Variants in CNTN6 observed in about 807,000 individuals in gnomAD.
The protein encoded by CNTN6 is contactin-6.
In CNTN6, 137 loss-of-function variants were observed where a neutral mutation model predicts 122.8. The ratio of observed to expected loss-of-function variants is 1.12; its 90% CI spans 0.97 to 1.29. The LOEUF is 1.29. Ranked by LOEUF, CNTN6 falls within the 50% of genes most tolerant of loss-of-function variation. The pLI is 0.00. For synonymous variants in CNTN6, 570 were observed against 426.0 expected, an observed-to-expected ratio of 1.34 and a Z score of -4.16; for missense variants, 1,634 against 1,223.4, an observed-to-expected ratio of 1.34 and a Z score of -5.01.
chr3:1,347,087 A>G (rs1704846676), intron 11 of CNTN6, among the ~76,000 whole-genome samples: 2 of 152,164 alleles, frequency 1.3e-5, no homozygotes, highest in South Asian at 2.1e-4. Context: ...TACATGCTCT[A>G]TATTCTAAAG....
intron 11 of CNTN6, among the ~76,000 whole-genome samples, chr3:1,340,143 A>G (rs2126033764): frequency 6.6e-6 from 1 of 152,290 alleles, no homozygotes. Flanking sequence ...ATAGAAAAAC[A>G]TTCAGTTCTG....
Position 1,372,918 on chromosome 3 carries a change from A to G in CNTN6, c.1749A>G (p.Leu583=), listed in dbSNP as rs749843024. The G allele has an allele frequency of 6.2e-7, 1 of 1,606,840 alleles. No homozygotes were observed. The highest frequency in any genetic ancestry group is 8.5e-7 in the Non-Finnish European group (1 of 1,175,140). The part of the protein sequence containing the change: ...GKYLCTVQTT[L]ESLSAVADII... ...ATCTCTGCACAGTACAAACAACCCT[A>G]GAAAGTTTATCTGCAGTAGCCGATA... Residue 583 remains leucine, a synonymous_variant, in exon 14 of 23, where the codon CTA becomes CTG. Coordinates refer to ENST00000446702, the MANE Select transcript of CNTN6 (RefSeq NM_001289080.2).
At chr3:1,098,322 GAACA>G (rs1475716015) in intron 1 of CNTN6, among the ~76,000 whole-genome samples, 1 of 152,006 alleles carries the variant, frequency 6.6e-6, no homozygotes, top group Non-Finnish European at 1.5e-5. Flanking sequence ...AAAAGCACGA[GAACA>G]AATAAGCCAG....
At chr3:1,219,692 T>G (rs1157690995) in intron 2 of CNTN6, among the ~76,000 whole-genome samples, 2 of 152,150 alleles carry the variant, frequency 1.3e-5, no homozygotes, top group Non-Finnish European at 2.9e-5. Flanking sequence ...GACTGTGGAA[T>G]TGTTGCAGAT....
chr3:1,278,315 A>C, intron 4 of CNTN6, 98 bp from the exon 5 acceptor site: 1 of 805,606 alleles, frequency 1.2e-6, no homozygotes, highest in South Asian at 1.9e-5. Flanking sequence ...GTATGAGATT[A>C]ATTCCCCTTA....
At chr3:1,094,932 G>T (rs2090444106) in intron 1 of CNTN6, among the ~76,000 whole-genome samples, 1 of 151,892 alleles carries the variant, frequency 6.6e-6, no homozygotes, top group Non-Finnish European at 1.5e-5. Flanking sequence ...TATTAAAAAT[G>T]ACTCAAACTA....
intron 11 of CNTN6, among the ~76,000 whole-genome samples, chr3:1,332,531 G>GA (rs762394172): frequency 1.1e-4 from 12 of 108,376 alleles, no homozygotes; most frequent in African/African-American, 1.5e-4. Flanking sequence ...AGGAAGGAAG[G>GA]AGGGAGGGAA....
chr3:1,313,949 T>C (rs919247985), intron 7 of CNTN6, among the ~76,000 whole-genome samples: 9 of 152,020 alleles, frequency 5.9e-5, no homozygotes, highest in African/African-American at 2.2e-4. Context: ...CTAATCCCAC[T>C]ATGAAGGCTC....
chr3:1,312,613 A>C (rs1699525331), intron 7 of CNTN6, among the ~76,000 whole-genome samples: 1 of 53,594 alleles, frequency 1.9e-5, no homozygotes, highest in Non-Finnish European at 3.1e-5. Context: ...TGCCTCTTAT[A>C]CAAAAAAAAA....
At chr3:1,321,906 T>C in intron 8 of CNTN6, 72 bp downstream of exon 8, 2 of 1,310,278 alleles carry the variant, frequency 1.5e-6, no homozygotes, top group Non-Finnish European at 1.0e-6. Flanking sequence ...TGGAAGTCAT[T>C]AGCATGTTGT....
intron 4 of CNTN6, among the ~76,000 whole-genome samples, chr3:1,270,024 T>G (rs1281876497): frequency 6.6e-6 from 1 of 152,198 alleles, no homozygotes; most frequent in Non-Finnish European, 1.5e-5. Flanking sequence ...GTTCTAAGAT[T>G]TAGCTATTGC....
intron 2 of CNTN6, among the ~76,000 whole-genome samples, chr3:1,158,710 C>G (rs535777292): frequency 2.0e-4 from 29 of 148,062 alleles, no homozygotes; most frequent in Non-Finnish European, 3.3e-4. Context: ...CTAGCTGAAA[C>G]TACAGGCTCA....
intron 4 of CNTN6, among the ~76,000 whole-genome samples, chr3:1,248,381 AG>A (rs879695021): frequency 8.5e-5 from 13 of 152,222 alleles, no homozygotes; most frequent in Non-Finnish European, 1.5e-4. Flanking sequence ...TCTTCCTCAA[AG>A]TAAGTACCAA....
chr3:1,302,065 A>T (rs1183305298), intron 7 of CNTN6, among the ~76,000 whole-genome samples: 2 of 152,218 alleles, frequency 1.3e-5, no homozygotes, highest in African/African-American at 4.8e-5. Flanking sequence ...AAGATTAATT[A>T]TGTTATAGGT....
At chr3:1,205,145 CCACAAT>C (rs2093941157) in intron 2 of CNTN6, among the ~76,000 whole-genome samples, 2 of 152,072 alleles carry the variant, frequency 1.3e-5, no homozygotes, top group Admixed American at 6.6e-5. Context: ...AGAAAGGTGT[CCACAAT>C]CCGAGGAACG....
chr3:1,342,554 C>T (rs548240033), intron 11 of CNTN6, among the ~76,000 whole-genome samples: 43 of 152,158 alleles, frequency 2.8e-4, no homozygotes, highest in African/African-American at 7.5e-4. Context: ...CCTCTTCCTA[C>T]GGCCCATAAA....
At chr3:1,379,932 C>T (rs969835287) in intron 17 of CNTN6, among the ~76,000 whole-genome samples, 3 of 152,058 alleles carry the variant, frequency 2.0e-5, no homozygotes, top group African/African-American at 7.2e-5. Context: ...TTAATGAACT[C>T]TATTAGGTAG....
At chr3:1,282,031 A>AAAAAGT (rs1491320888) in intron 5 of CNTN6, among the ~76,000 whole-genome samples, 4 of 152,084 alleles carry the variant, frequency 2.6e-5, no homozygotes, top group Non-Finnish European at 5.9e-5. Context: ...GGAGAGTAAG[A>AAAAAGT]AAAAGTATCG....
intron 11 of CNTN6, among the ~76,000 whole-genome samples, chr3:1,347,034 T>C (rs1704836344): frequency 1.3e-5 from 2 of 152,176 alleles, no homozygotes; most frequent in African/African-American, 4.8e-5. Flanking sequence ...CTTCAACTTA[T>C]CAGTTAAACT....
Sources: allele counts gnomAD v4.1 joint callset (sites outside exome capture counted in the v4.1 genomes callset), GRCh38; gene constraint gnomAD v4.1.1; transcripts MANE v1.5; gene names NCBI Gene and HGNC (gene_info 2026-07-23, HGNC 2026-07-21).